COL6A5: variants seen among roughly 807,000 people sequenced by gnomAD.
The protein encoded by COL6A5 is collagen type VI alpha 5 chain.
Under a neutral mutation model 65.6 loss-of-function variants are expected in COL6A5, and 48 were observed. That is an observed-to-expected ratio of 0.73 (90% confidence interval 0.58 to 0.93). The LOEUF is 0.93. Ranked by LOEUF, COL6A5 falls within the 40% of genes least tolerant of loss-of-function variation. The pLI is 0.00. For missense variants in COL6A5, 914 were observed against 928.3 expected (o/e 0.98, Z 0.20); for synonymous variants, 291 against 322.8 (o/e 0.90, Z 1.05).
intron 1 of COL6A5, among the ~76,000 whole-genome samples, chr3:130,346,406 A>G (rs1934477681): frequency 6.6e-6 from 1 of 152,100 alleles, no homozygotes; most frequent in Non-Finnish European, 1.5e-5. Context: ...CCCTAGCCCC[A>G]ATGCAGGAAC....
exon 4 of COL6A5, chr3:130,379,498 A>T: frequency 6.4e-7 from 1 of 1,551,324 alleles, no homozygotes; most frequent in Non-Finnish European, 8.7e-7. Flanking sequence ...GACCGGAGGA[A>T]ATTTAAGGCA....
intron 4 of COL6A5, among the ~76,000 whole-genome samples, chr3:130,444,448 A>G (rs371529168): frequency 2.0e-5 from 3 of 152,306 alleles, no homozygotes; most frequent in East Asian, 3.9e-4. Flanking sequence ...GAAATGATAA[A>G]AGTATTAATT....
chr3:130,394,956 A>T, exon 8 of COL6A5: 1 of 1,551,620 alleles, frequency 6.4e-7, no homozygotes. Flanking sequence ...TCTAATTCAG[A>T]TTTTGTAACC....
chr3:130,389,388 T>G (rs1464511166), intron 6 of COL6A5, among the ~76,000 whole-genome samples: 1 of 152,116 alleles, frequency 6.6e-6, no homozygotes, highest in Non-Finnish European at 1.5e-5. Flanking sequence ...GAATTTTACT[T>G]TAAACTTACA....
chr3:130,374,202 T>C (rs1446842188), intron 2 of COL6A5, among the ~76,000 whole-genome samples: 6 of 152,194 alleles, frequency 3.9e-5, no homozygotes, highest in Non-Finnish European at 8.8e-5. Flanking sequence ...TTTGTCATTG[T>C]GTAAACATCA....
intron 1 of COL6A5, among the ~76,000 whole-genome samples, chr3:130,346,721 G>C (rs1934491470): frequency 6.6e-6 from 1 of 152,184 alleles, no homozygotes; most frequent in South Asian, 2.1e-4. Flanking sequence ...TTCATAAGTT[G>C]ATGTAGTGCT....
At chr3:130,482,763 C>T (rs1310956760) in intron 7 of COL6A5, among the ~76,000 whole-genome samples, 7 of 152,138 alleles carry the variant, frequency 4.6e-5, no homozygotes. Flanking sequence ...TCCTTCACAT[C>T]CCTTGTAAGT....
intron 1 of COL6A5, among the ~76,000 whole-genome samples, chr3:130,432,312 C>T (rs554972405): frequency 2.6e-5 from 4 of 152,100 alleles, no homozygotes; most frequent in East Asian, 1.9e-4. Flanking sequence ...CCCAGAACTT[C>T]GGGAGGCCAA....
chr3:130,446,538 G>A (rs1285768265), intron 4 of COL6A5, among the ~76,000 whole-genome samples: 1 of 152,136 alleles, frequency 6.6e-6, no homozygotes, highest in South Asian at 2.1e-4. Flanking sequence ...AGTGGGATTA[G>A]TTAGATCGGT....
intron 7 of COL6A5, among the ~76,000 whole-genome samples, chr3:130,481,282 TG>T (rs1274530324): frequency 7.3e-5 from 11 of 149,840 alleles, no homozygotes; most frequent in African/African-American, 2.7e-4. Flanking sequence ...AACTTATGAG[TG>T]GGAACATGTG....
At chr3:130,484,141 G>A (rs1476425327) in exon 8 of COL6A5, 17 of 1,286,154 alleles carry the variant, frequency 1.3e-5, no homozygotes, top group Non-Finnish European at 4.2e-6. Flanking sequence ...TAGAGGTACT[G>A]TGGTAAATGA....
At chr3:130,473,724 A>G (rs576473939) in intron 7 of COL6A5, among the ~76,000 whole-genome samples, 4 of 152,232 alleles carry the variant, frequency 2.6e-5, no homozygotes, top group African/African-American at 7.2e-5. Context: ...GATTAGGTAC[A>G]TCTGAAGCCT....
At chr3:130,422,866 T>G (rs2107685943) in intron 28 of COL6A5, 84 bp downstream of exon 28, 1 of 870,660 alleles carries the variant, frequency 1.1e-6, no homozygotes, top group Non-Finnish European at 1.7e-6. Context: ...TGTGGATTAT[T>G]GATTCAACCC....
intron 1 of COL6A5, among the ~76,000 whole-genome samples, chr3:130,432,282 C>T (rs760509303): frequency 3.7e-4 from 56 of 152,154 alleles, no homozygotes; most frequent in Non-Finnish European, 7.1e-4. Context: ...GGGCTGGGCG[C>T]GGTGGCTCAT....
chr3:130,435,216 T>G (rs1937990021), intron 1 of COL6A5, among the ~76,000 whole-genome samples: 1 of 152,326 alleles, frequency 6.6e-6, no homozygotes, highest in Non-Finnish European at 1.5e-5. Context: ...CCATTGCTTG[T>G]TTTTGTTAGG....
At chr3:130,389,111 T>C (rs568249673) in exon 6 of COL6A5, 208 of 1,441,658 alleles carry the variant, frequency 1.4e-4, no homozygotes, top group African/African-American at 1.0e-4. Flanking sequence ...AGGAAACTTA[T>C]CTTTCGTGTG....
chr3:130,359,239 G>A (rs1398029706), intron 1 of COL6A5, among the ~76,000 whole-genome samples: 1 of 152,118 alleles, frequency 6.6e-6, no homozygotes, highest in Non-Finnish European at 1.5e-5. Flanking sequence ...AAGAAACAAT[G>A]CCAGGCAGAA....
intron 6 of COL6A5, among the ~76,000 whole-genome samples, chr3:130,390,426 G>A (rs550677698): frequency 6.6e-6 from 1 of 152,296 alleles, no homozygotes; most frequent in East Asian, 1.9e-4. Flanking sequence ...TAGGCAGGTG[G>A]AAAGTGGAGA....
chr3:130,397,987 A>G (rs1314272608), intron 9 of COL6A5, 43 bp from the exon 10 acceptor site: 36 of 1,544,002 alleles, frequency 2.3e-5, no homozygotes, highest in Non-Finnish European at 3.0e-5. Flanking sequence ...TTCCCCAATT[A>G]TATATTTAGC....
Sources: allele counts gnomAD v4.1 joint callset (sites outside exome capture counted in the v4.1 genomes callset), GRCh38; gene constraint gnomAD v4.1.1; transcripts MANE v1.5; gene names NCBI Gene and HGNC (gene_info 2026-07-23, HGNC 2026-07-21).